NRG3: variants seen among roughly 807,000 people sequenced by gnomAD.
NRG3 encodes neuregulin 3, also known as pro-neuregulin-3, membrane-bound isoform.
In NRG3, 31 loss-of-function variants were observed where a neutral mutation model predicts 66.9. That is an observed-to-expected ratio of 0.46 (90% CI 0.35 to 0.63). The LOEUF is 0.63. Ranked by LOEUF, NRG3 falls within the 20% of genes least tolerant of loss-of-function variation. The pLI, the probability that NRG3 is intolerant of heterozygous loss-of-function variation, is 0.00. For missense variants in NRG3, 910 were observed against 878.9 expected, an observed-to-expected ratio of 1.04 and a Z score of -0.45; for synonymous variants, 393 against 359.4, an observed-to-expected ratio of 1.09 and a Z score of -1.06.
intron 1 of NRG3, among the ~76,000 whole-genome samples, chr10:81,936,824 T>C (rs145857659): frequency 6.6e-6 from 1 of 152,058 alleles, no homozygotes; most frequent in Non-Finnish European, 1.5e-5. Context: ...GGAAGCCATG[T>C]GTAAATTGTG....
At chr10:82,919,062 AGTGTGTGTGTGT>A (rs71471761) in intron 4 of NRG3, among the ~76,000 whole-genome samples, 39 of 141,828 alleles carry the variant, frequency 2.7e-4, no homozygotes, top group African/African-American at 8.4e-4. Flanking sequence ...ATAGGGGTGG[AGTGTGTGTGTGT>A]GTGTGTGTGT....
At chr10:82,913,951 T>C (rs73311336) in intron 4 of NRG3, among the ~76,000 whole-genome samples, 5,994 of 152,264 alleles carry the variant, frequency 0.039, 138 homozygotes, top group Middle Eastern at 0.1. Context: ...TTTTTAAAAT[T>C]GTCTCCTAGT....
intron 2 of NRG3, among the ~76,000 whole-genome samples, chr10:82,404,943 G>A (rs1237146415): frequency 6.6e-6 from 1 of 152,116 alleles, no homozygotes; most frequent in Non-Finnish European, 1.5e-5. Flanking sequence ...ACTTGCTGAG[G>A]ATGAGTGGAT....
intron 3 of NRG3, among the ~76,000 whole-genome samples, chr10:82,783,731 T>G (rs1336492332): frequency 6.6e-6 from 1 of 152,120 alleles, no homozygotes; most frequent in Admixed American, 6.5e-5. Flanking sequence ...TGGAAGAACA[T>G]TCCATGCTCG....
chr10:82,632,521 C>A (rs2049912447), intron 2 of NRG3, among the ~76,000 whole-genome samples: 1 of 152,116 alleles, frequency 6.6e-6, no homozygotes, highest in Non-Finnish European at 1.5e-5. Context: ...TAGGGACTTT[C>A]TATGAACTTT....
At chr10:82,802,914 A>C (rs1169351584) in intron 3 of NRG3, among the ~76,000 whole-genome samples, 4 of 152,262 alleles carry the variant, frequency 2.6e-5, no homozygotes, top group South Asian at 2.1e-4. Context: ...GGCTCAAATG[A>C]TTCACCTGTC....
At chr10:82,827,430 T>TAGTA (rs1236659939) in intron 3 of NRG3, among the ~76,000 whole-genome samples, 5 of 152,154 alleles carry the variant, frequency 3.3e-5, no homozygotes, top group Middle Eastern at 3.4e-3. Flanking sequence ...GATGAGCAGG[T>TAGTA]AGTACTTCCT....
intron 2 of NRG3, among the ~76,000 whole-genome samples, chr10:82,574,375 G>T (rs1295328160): frequency 6.6e-6 from 1 of 151,736 alleles, no homozygotes; most frequent in Admixed American, 6.6e-5. Flanking sequence ...GGTTACCAAA[G>T]GCTGGGAAGC....
Position 82,985,528 on chromosome 10 carries a change from C to G in NRG3, c.2014C>G (p.Pro672Ala). Residue 672 changes from proline to alanine, a missense_variant, in exon 9 of 9, where the codon CCC becomes GCC. By Grantham distance (27) the Pro-to-Ala change is conservative. Transcript: ENST00000372141. ...AAACACAGCCTTTCTCCCCCTGAGT[C>G]CCACAGCCAAATCAGAACGAGAGGC... ...SENTAFLPLS[P>A]TAKSEREAQF... 5 of 1,613,986 alleles carry G rather than the reference C, an allele frequency of 3.1e-6. No homozygotes were observed. The highest frequency in any genetic ancestry group is 4.2e-6 in the Non-Finnish European group (5 of 1,179,988).
At chr10:82,811,285 T>A (rs1279648923) in intron 3 of NRG3, among the ~76,000 whole-genome samples, 1 of 152,268 alleles carries the variant, frequency 6.6e-6, no homozygotes, top group Non-Finnish European at 1.5e-5. Flanking sequence ...TTCACCTGTT[T>A]GTTCACTGCC....
At chr10:82,181,535 G>T (rs189586197) in intron 1 of NRG3, among the ~76,000 whole-genome samples, 1 of 151,818 alleles carries the variant, frequency 6.6e-6, no homozygotes, top group Non-Finnish European at 1.5e-5. Context: ...GTTCCAGAGT[G>T]TATTGTTTAA....
intron 2 of NRG3, among the ~76,000 whole-genome samples, chr10:82,729,606 G>A (rs1460679002): frequency 6.6e-6 from 1 of 152,156 alleles, no homozygotes; most frequent in Non-Finnish European, 1.5e-5. Context: ...TGGTGAGGTT[G>A]AGGTGAAGCT....
At chr10:82,843,445 T>C (rs342382) in intron 3 of NRG3, among the ~76,000 whole-genome samples, 53,299 of 152,048 alleles carry the variant, frequency 0.35, 9,648 homozygotes, top group African/African-American at 0.43. Flanking sequence ...AGAGCCAATA[T>C]ATTTCTATTC....
At chr10:82,889,468 C>A (rs182489774) in intron 4 of NRG3, among the ~76,000 whole-genome samples, 1 of 152,218 alleles carries the variant, frequency 6.6e-6, no homozygotes, top group East Asian at 1.9e-4. Flanking sequence ...TATCAAGATG[C>A]ATTTTATGTA....
intron 1 of NRG3, among the ~76,000 whole-genome samples, chr10:82,023,598 G>A (rs944481566): frequency 1.4e-4 from 21 of 151,988 alleles, no homozygotes; most frequent in Non-Finnish European, 2.6e-4. Context: ...TGCTTTTTCA[G>A]CAGCTATGAT....
chr10:82,048,388 T>C (rs1321674943), intron 1 of NRG3, among the ~76,000 whole-genome samples: 2 of 152,014 alleles, frequency 1.3e-5, no homozygotes, highest in East Asian at 1.9e-4. Flanking sequence ...ACAGAAATTA[T>C]AACAAACTGT....
At chr10:82,899,646 G>C (rs1844016318) in intron 4 of NRG3, among the ~76,000 whole-genome samples, 1 of 152,108 alleles carries the variant, frequency 6.6e-6, no homozygotes, top group Non-Finnish European at 1.5e-5. Flanking sequence ...TAATCGTTTA[G>C]GAACTAGCAT....
intron 1 of NRG3, among the ~76,000 whole-genome samples, chr10:82,247,565 A>G (rs2077298826): frequency 6.6e-6 from 1 of 152,178 alleles, no homozygotes; most frequent in African/African-American, 2.4e-5. Context: ...CCTTCAGTCC[A>G]TTACAGGGTC....
chr10:81,992,336 T>C (rs1769321804), intron 1 of NRG3, among the ~76,000 whole-genome samples: 1 of 152,216 alleles, frequency 6.6e-6, no homozygotes, highest in Non-Finnish European at 1.5e-5. Flanking sequence ...GTTGATCTCA[T>C]AGTTGTAATT....
Sources: gnomAD v4.1 joint callset for allele counts (sites outside exome capture counted in the v4.1 genomes callset) on GRCh38, gnomAD v4.1.1 for gene constraint, MANE v1.5 for transcripts, NCBI Gene and HGNC (gene_info 2026-07-23, HGNC 2026-07-21) for gene names.